The following NREP variants were observed in gnomAD, a reference collection of about 807,000 sequenced individuals.
NREP encodes the protein neuronal regeneration-related protein.
Under a neutral mutation model 8.6 loss-of-function variants are expected in NREP, and 5 were observed. The observed-to-expected ratio is 0.58, with a 90% CI of 0.30 to 1.22. NREP has a LOEUF of 1.22. Among genes scored for constraint, NREP ranks in the 50% most tolerant of loss-of-function variants. The probability of loss-of-function intolerance (pLI) is 0.07; values close to 1 mark genes in which losing one functional copy is unlikely to be tolerated. For missense variants in NREP, 86 were observed against 82.5 expected, an observed-to-expected ratio of 1.04 and a Z score of -0.17; for synonymous variants, 27 against 28.0, an observed-to-expected ratio of 0.96 and a Z score of 0.11.
chr5:111,826,525 A>G (rs928453952), intron 2 of NREP, among the ~76,000 whole-genome samples: 2 of 152,246 alleles, frequency 1.3e-5, no homozygotes, highest in African/African-American at 4.8e-5. Context: ...GAAACTCCAG[A>G]CGCATCTGAA....
intron 2 of NREP, among the ~76,000 whole-genome samples, chr5:111,795,006 A>G (rs1473699755): frequency 2.0e-5 from 3 of 152,006 alleles, no homozygotes; most frequent in East Asian, 1.9e-4. Context: ...AAAAAAAAAA[A>G]AAAAAGAAAA....
chr5:111,916,516 T>A (rs755998490), intron 2 of NREP, among the ~76,000 whole-genome samples: 2 of 152,134 alleles, frequency 1.3e-5, no homozygotes, highest in Non-Finnish European at 2.9e-5. Flanking sequence ...AGCTCTTGAA[T>A]ATAAATCTGA....
intron 2 of NREP, among the ~76,000 whole-genome samples, chr5:111,751,015 T>G (rs1235424240): frequency 6.6e-6 from 1 of 152,072 alleles, no homozygotes; most frequent in Non-Finnish European, 1.5e-5. Context: ...AAAAAAGAGG[T>G]TAAGGATACA....
chr5:111,880,408 G>C (rs751036597), intron 2 of NREP, among the ~76,000 whole-genome samples: 5 of 152,158 alleles, frequency 3.3e-5, no homozygotes, highest in Admixed American at 6.5e-5. Context: ...AGAAGTCCAA[G>C]ATCAAATATG....
intron 2 of NREP, among the ~76,000 whole-genome samples, chr5:111,777,007 A>AAGG (rs1554098513): frequency 1.5e-5 from 1 of 65,632 alleles, no homozygotes; most frequent in African/African-American, 5.3e-5. Context: ...GAGGAGGAGG[A>AAGG]AGGAGGTGGA....
intron 2 of NREP, among the ~76,000 whole-genome samples, chr5:111,771,779 CA>C (rs906683521): frequency 1.4e-5 from 2 of 144,048 alleles, no homozygotes; most frequent in African/African-American, 5.1e-5. Flanking sequence ...AAAAAAAAAA[CA>C]AAAAAATCAA....
chr5:111,757,564 G>A, upstream of NREP: 2 of 984,650 alleles, frequency 2.0e-6, no homozygotes, highest in Non-Finnish European at 2.4e-6. Context: ...CTGCTTACTC[G>A]GCAGGAATCG....
At chr5:111,939,687 G>A (rs904395633) in intron 2 of NREP, among the ~76,000 whole-genome samples, 13 of 152,046 alleles carry the variant, frequency 8.6e-5, no homozygotes, top group South Asian at 2.1e-4. Flanking sequence ...TTAGTACCAC[G>A]TTATTTGAAT....
intron 2 of NREP, among the ~76,000 whole-genome samples, chr5:111,883,584 C>T (rs1754147628): frequency 6.6e-6 from 1 of 152,272 alleles, no homozygotes. Flanking sequence ...TAAAGCCCTC[C>T]TCAGCAAATG....
intron 2 of NREP, among the ~76,000 whole-genome samples, chr5:111,823,549 C>T (rs1336957194): frequency 1.3e-5 from 2 of 152,078 alleles, no homozygotes; most frequent in Non-Finnish European, 2.9e-5. Context: ...TCAATAAAAA[C>T]ATTACATATA....
intron 2 of NREP, among the ~76,000 whole-genome samples, chr5:111,897,102 T>C (rs1172498718): frequency 6.6e-6 from 1 of 152,150 alleles, no homozygotes; most frequent in Non-Finnish European, 1.5e-5. Context: ...AACTACAAAT[T>C]ATTACATTTA....
intron 2 of NREP, among the ~76,000 whole-genome samples, chr5:111,830,400 C>T (rs1411420771): frequency 2.0e-5 from 3 of 152,186 alleles, no homozygotes; most frequent in Non-Finnish European, 4.4e-5. Context: ...CTAAATCAGG[C>T]AAAGGATACA....
At chr5:111,869,135 A>G (rs1187651508) in intron 2 of NREP, among the ~76,000 whole-genome samples, 3 of 152,188 alleles carry the variant, frequency 2.0e-5, no homozygotes, top group South Asian at 2.1e-4. Context: ...GTATGCAACT[A>G]TGAGTCTGTA....
intron 2 of NREP, among the ~76,000 whole-genome samples, chr5:111,742,123 G>A (rs184269332): frequency 5.3e-5 from 8 of 152,202 alleles, no homozygotes; most frequent in African/African-American, 1.9e-4. Context: ...CTTCGCTTCG[G>A]GTGTGTATTC....
chr5:111,936,757 CT>C (rs1222666060), intron 2 of NREP, among the ~76,000 whole-genome samples: 2 of 152,030 alleles, frequency 1.3e-5, no homozygotes, highest in African/African-American at 4.8e-5. Flanking sequence ...TTGACAATTT[CT>C]TTTTACTAAA....
chr5:111,777,829 T>A (rs755865348), intron 2 of NREP, among the ~76,000 whole-genome samples: 4 of 152,070 alleles, frequency 2.6e-5, no homozygotes, highest in Admixed American at 6.6e-5. Flanking sequence ...CAGGTCCCAA[T>A]TGTATTCTCC....
chr5:111,752,406 A>G (rs1167756963), intron 2 of NREP, among the ~76,000 whole-genome samples: 1 of 152,138 alleles, frequency 6.6e-6, no homozygotes, highest in Non-Finnish European at 1.5e-5. Context: ...GTACCATATA[A>G]AATTATTCTC....
intron 2 of NREP, among the ~76,000 whole-genome samples, chr5:111,792,932 G>A (rs1423431893): frequency 6.6e-6 from 1 of 152,090 alleles, no homozygotes; most frequent in Non-Finnish European, 1.5e-5. Context: ...TTTATTTGGT[G>A]GAACTTTGTT....
At chr5:111,935,299 A>G (rs549426935) in intron 2 of NREP, among the ~76,000 whole-genome samples, 1 of 152,166 alleles carries the variant, frequency 6.6e-6, no homozygotes, top group African/African-American at 2.4e-5. Flanking sequence ...ACCTTACACA[A>G]TATCCCAGAG....
Sources: gnomAD v4.1 joint callset for allele counts (sites outside exome capture counted in the v4.1 genomes callset) on GRCh38, gnomAD v4.1.1 for gene constraint, MANE v1.5 for transcripts, NCBI Gene and HGNC (gene_info 2026-07-23, HGNC 2026-07-21) for gene names.